RAD23B: variants seen among roughly 807,000 people sequenced by gnomAD.
RAD23B encodes the protein lysine-specific demethylase RAD23B.
A neutral mutation model predicts 49.1 loss-of-function variants in RAD23B; 5 were observed. The ratio of observed to expected loss-of-function variants is 0.10; its 90% confidence interval spans 0.05 to 0.21. The LOEUF (loss-of-function observed/expected upper bound fraction) is 0.21, where lower values mean the gene tolerates loss of function less well. RAD23B is among the 10% of genes least tolerant of loss of function. The probability of loss-of-function intolerance (pLI) is 1.00; values close to 1 mark genes in which losing one functional copy is unlikely to be tolerated. For synonymous variants in RAD23B, 184 were observed against 165.4 expected, an observed-to-expected ratio of 1.11 and a Z score of -0.86; for missense variants, 356 against 486.7, an observed-to-expected ratio of 0.73 and a Z score of 2.53.
intron 6 of RAD23B, among the ~76,000 whole-genome samples, chr9:107,321,021 G>C (rs550081157): frequency 1.3e-5 from 2 of 152,100 alleles, no homozygotes; most frequent in African/African-American, 4.8e-5. Context: ...ACTTGATAAA[G>C]ACTTTTTAAA....
intron 9 of RAD23B, among the ~76,000 whole-genome samples, chr9:107,326,138 T>C (rs1827197747): frequency 6.6e-6 from 1 of 152,162 alleles, no homozygotes; most frequent in African/African-American, 2.4e-5. Context: ...TTGTTGAGGA[T>C]TTTTGCATCT....
intron 9 of RAD23B, among the ~76,000 whole-genome samples, chr9:107,327,627 C>T (rs1371246510): frequency 6.6e-6 from 1 of 152,152 alleles, no homozygotes. Context: ...AGAGAATATA[C>T]TTTCAATACT....
At position 107,331,664 on chromosome 9, in the gene RAD23B, C is replaced by T; in HGVS notation, c.*2008C>T. 1.3e-6 allele frequency: 1 copy of T among 771,450 alleles called. No homozygotes were observed. The highest frequency in any genetic ancestry group is 1.4e-5 in the South Asian group (1 of 73,614). The allele number at this position is 771,450 out of a possible 1,614,324, so 47.8% of individuals were successfully genotyped here. A position where few individuals can be genotyped will look rare whatever the true frequency, so the allele number is the denominator to read the frequency against. ...TTTATTTTATGACATTCTCTGTCTA[C>T]TCAGATCATAGTGAAAACTGGAAAC... On this transcript the variant is annotated 3_prime_UTR_variant, in exon 10 of 10. Coordinates refer to ENST00000358015, the MANE Select transcript of RAD23B (RefSeq NM_002874.5).
chr9:107,324,083 C>CG (rs1827158139), intron 8 of RAD23B, 66 bp downstream of exon 8: 1 of 1,513,988 alleles, frequency 6.6e-7, no homozygotes, highest in Non-Finnish European at 9.1e-7. Flanking sequence ...AGTCCATGAA[C>CG]GGTCCTTCCC....
chr9:107,294,383 G>T (rs572012157), intron 1 of RAD23B, among the ~76,000 whole-genome samples: 1 of 152,258 alleles, frequency 6.6e-6, no homozygotes, highest in South Asian at 2.1e-4. Flanking sequence ...GAAAGTTCTA[G>T]CCTTGGTTAT....
In RAD23B at chr9:107,285,900, G is replaced by T. The variant is rs556926514; in HGVS notation, c.66+2205G>T. Among the ~76,000 whole-genome samples the T allele has an allele frequency of 1.2e-4, 19 of 152,314 alleles. No individual in the cohort carries two copies. The South Asian group carries it at 3.9e-3, about 32-fold the overall frequency. On this transcript the variant is annotated intron_variant, in intron 1 of 9. Coordinates refer to ENST00000358015, the MANE Select transcript of RAD23B (RefSeq NM_002874.5). ...CAACTGTTTCAATTCTATGTTTGTA[G>T]TGGGTTTTAATTAGTATGTGTTTTT... is the stretch of plus-strand genomic sequence containing the variant.
chr9:107,289,878 C>G (rs1587846137), intron 1 of RAD23B, among the ~76,000 whole-genome samples: 1 of 152,322 alleles, frequency 6.6e-6, no homozygotes, highest in East Asian at 1.9e-4. Flanking sequence ...AAATTCAACT[C>G]AGTGTTTGTA....
intron 1 of RAD23B, 129 bp from the exon 2 acceptor site, chr9:107,300,012 A>G (rs552718694): frequency 1.7e-6 from 2 of 1,195,912 alleles, no homozygotes; most frequent in Admixed American, 3.2e-5. Context: ...TTGGAAAAAC[A>G]TAATATTTGA....
At chr9:107,296,895 G>A (rs188427714) in intron 1 of RAD23B, among the ~76,000 whole-genome samples, 18 of 136,728 alleles carry the variant, frequency 1.3e-4, no homozygotes, top group Non-Finnish European at 2.0e-4. Flanking sequence ...TTGCTCTGTC[G>A]CCAGGCTGGA....
intron 1 of RAD23B, among the ~76,000 whole-genome samples, chr9:107,291,407 G>C (rs1385505094): frequency 6.6e-6 from 1 of 152,112 alleles, no homozygotes; most frequent in Non-Finnish European, 1.5e-5. Context: ...ATGGGTTTTG[G>C]ATTTCAAATC....
intron 3 of RAD23B, among the ~76,000 whole-genome samples, chr9:107,302,656 TTTTG>T (rs1826678918): frequency 1.1e-5 from 1 of 94,904 alleles, no homozygotes; most frequent in Non-Finnish European, 2.4e-5. Flanking sequence ...TTTGTTTTTG[TTTTG>T]TTTTTTTTTT....
At chr9:107,302,214 A>AGTG in intron 3 of RAD23B, 100 bp downstream of exon 3, 1 of 1,502,238 alleles carries the variant, frequency 6.7e-7, no homozygotes, top group Non-Finnish European at 8.9e-7. Flanking sequence ...ACACATCCAT[A>AGTG]GTGGTGTACA....
In RAD23B at chr9:107,330,803, T is replaced by C. The variant is rs906370772; in HGVS notation, c.*1147T>C. 3.3e-5 allele frequency: 5 copies of C among 152,662 alleles called. No individual in the cohort carries two copies. The East Asian group carries it at 5.8e-4, about 18-fold the overall frequency. 9.5% of individuals were successfully genotyped at this position (152,662 alleles called of 1,614,324 possible). On this transcript the variant is annotated 3_prime_UTR_variant, in exon 10 of 10. Transcript: ENST00000358015. This position sits in a 1 kb window ranked among gnomAD's most constrained non-coding sequence, Gnocchi z 4.4. ...CATTGGAAAGACTGGCAAAGTCTTT[T>C]GGATGGGTTGGGAGATGTGGCTGGA... is the stretch of plus-strand genomic sequence containing the variant.
At chr9:107,283,787 G>A (rs939613651) in intron 1 of RAD23B, 92 bp downstream of exon 1, 1 of 1,199,278 alleles carries the variant, frequency 8.3e-7, no homozygotes, top group Non-Finnish European at 1.1e-6. Context: ...TCCAGCGGGG[G>A]AAGCCCCGGA....
At position 107,331,646 on chromosome 9, in the gene RAD23B, T is replaced by C; in HGVS notation, c.*1990T>C. 1 of 769,486 alleles carries C rather than the reference T, an allele frequency of 1.3e-6. No individual in the cohort carries two copies. Among genetic ancestry groups the C allele is most frequent in the East Asian group, 2.4e-5 (1 of 41,170 alleles). 47.7% of individuals were successfully genotyped at this position (769,486 alleles called of 1,614,324 possible). ...GATAATGGAATACTCTCATTTATTT[T>C]ATGACATTCTCTGTCTACTCAGATC... On this transcript the variant is annotated 3_prime_UTR_variant, in exon 10 of 10. Transcript: ENST00000358015.
intron 9 of RAD23B, among the ~76,000 whole-genome samples, chr9:107,326,280 T>C (rs894189220): frequency 6.6e-6 from 1 of 151,794 alleles, no homozygotes; most frequent in African/African-American, 2.4e-5. Context: ...TATTAAGAAT[T>C]GGTGTGGGCT....
rs1039439428 is a variant in RAD23B, at chr9:107,329,871, A to T, written c.*215A>T. 1.2e-5 allele frequency: 4 copies of T among 330,878 alleles called. No homozygotes were observed. Among genetic ancestry groups the T allele is most frequent in the African/African-American group, 2.1e-5 (1 of 47,176 alleles). 20.5% of individuals were successfully genotyped at this position (330,878 alleles called of 1,614,324 possible). A position where few individuals can be genotyped will look rare whatever the true frequency, so the allele number is the denominator to read the frequency against. ...ATGCCGCAACTCCACACAGTGTGTA[A>T]AATATATACAACCAAAAATCAGCTT... On this transcript the variant is annotated 3_prime_UTR_variant, in exon 10 of 10. Transcript: ENST00000358015.
At chr9:107,316,408 A>G (rs1192104617) in intron 5 of RAD23B, among the ~76,000 whole-genome samples, 2 of 152,244 alleles carry the variant, frequency 1.3e-5, no homozygotes, top group Non-Finnish European at 2.9e-5. Context: ...GAACTAAATG[A>G]GAAACACCAT....
chr9:107,328,464 C>A (rs893071645), intron 9 of RAD23B, among the ~76,000 whole-genome samples: 1 of 152,162 alleles, frequency 6.6e-6, no homozygotes, highest in Non-Finnish European at 1.5e-5. Flanking sequence ...CATCATCAGG[C>A]ATTTGTTAGG....
Sources: gnomAD v4.1 joint callset for allele counts (sites outside exome capture counted in the v4.1 genomes callset) on GRCh38, gnomAD v4.1.1 for gene constraint, Gnocchi (gnomAD v3.1) non-coding constraint, MANE v1.5 for transcripts, NCBI Gene and HGNC (gene_info 2026-07-23, HGNC 2026-07-21) for gene names.